The following WNT9A variants were observed in gnomAD, a reference collection of about 807,000 sequenced individuals.
WNT9A encodes protein Wnt-9a.
In WNT9A, 8 loss-of-function variants were observed where a neutral mutation model predicts 31.4. The observed-to-expected ratio is 0.26, with a 90% CI of 0.15 to 0.46. WNT9A has a LOEUF of 0.46. Among genes scored for constraint, WNT9A ranks in the 20% least tolerant of loss-of-function variants. WNT9A has a pLI of 0.99. For synonymous variants in WNT9A, 236 were observed against 220.1 expected (o/e 1.07, Z -0.64); for missense variants, 457 against 522.9 (o/e 0.87, Z 1.23).
chr1:227,920,070 C>T lies in WNT9A; in HGVS notation c.*1448G>A, dbSNP rs942245959. The stretch of plus-strand genomic sequence containing the variant: ...TGAACCAATCAAAGGGCTGCCCTGC[C>T]CCCTCACCATGCCCGCCCCTCTCCA... On this transcript the variant is annotated 3_prime_UTR_variant, in exon 4 of 4. Coordinates refer to ENST00000272164, the MANE Select transcript of WNT9A (RefSeq NM_003395.4). 9 of 152,406 alleles carry T rather than the reference C, an allele frequency of 5.9e-5. No homozygotes were observed. The highest frequency in any genetic ancestry group is 2.2e-4 in the African/African-American group (9 of 41,466). The allele number at this position is 152,406 out of a possible 1,614,324, so 9.4% of individuals were successfully genotyped here. A position where few individuals can be genotyped will look rare whatever the true frequency, so the allele number is the denominator to read the frequency against.
At chr1:227,932,695 T>C (rs1164915026) in intron 1 of WNT9A, among the ~76,000 whole-genome samples, 1 of 152,238 alleles carries the variant, frequency 6.6e-6, no homozygotes, top group Admixed American at 6.5e-5. Flanking sequence ...GGAGAATTAA[T>C]GCACATTGTG....
At chr1:227,922,655 G>C (rs1230677103) in intron 3 of WNT9A, among the ~76,000 whole-genome samples, 2 of 151,436 alleles carry the variant, frequency 1.3e-5, no homozygotes, top group Admixed American at 1.3e-4. Context: ...TGGCCCCAGA[G>C]GGGGGTGCAC....
intron 1 of WNT9A, among the ~76,000 whole-genome samples, chr1:227,939,932 C>T (rs531161629): frequency 6.6e-6 from 1 of 152,356 alleles, no homozygotes; most frequent in Non-Finnish European, 1.5e-5. Context: ...CTGCTGTGTC[C>T]CTCAGGGCTG....
Position 227,925,306 on chromosome 1 carries a change from G to A in WNT9A, c.309C>T (p.Asn103=), listed in dbSNP as rs758387691. 4 of 1,592,454 alleles carry A rather than the reference G, an allele frequency of 2.5e-6. No individual in the cohort carries two copies. The highest frequency in any genetic ancestry group is 3.4e-6 in the Non-Finnish European group (4 of 1,171,228). ...CQFQFRFERW[N]CTLEGRYRAS... ...CCCGGTAGCGGCCCTCCAGCGTGCA[G>A]TTCCAGCGCTCAAAGCGGAACTGGA... The change falls in exon 2 of 4, where the codon AAC becomes AAT. Residue 103 remains asparagine (N), a synonymous_variant. Transcript: ENST00000272164. This position sits in a 1 kb window ranked among gnomAD's most constrained non-coding sequence, Gnocchi z 6.0.
chr1:227,933,392 A>G (rs1293244425), intron 1 of WNT9A, among the ~76,000 whole-genome samples: 1 of 152,162 alleles, frequency 6.6e-6, no homozygotes, highest in African/African-American at 2.4e-5. Context: ...GGCTGGTTTG[A>G]TCTTCTATCC....
rs756182153 is a variant in WNT9A at position 227,928,123 on chromosome 1, G to A, written c.96-2604C>T. Among the ~76,000 whole-genome samples, 1 of 152,096 alleles carries A rather than the reference G, an allele frequency of 6.6e-6. No homozygotes were observed. The highest frequency in any genetic ancestry group is 1.5e-5 in the Non-Finnish European group (1 of 68,008). Reference sequence around the variant, plus strand: ...GGTCAGTGTGAGGCCCGAGCACGCCGGGGCACTGAGAGCTGGTTTGACGGT... The same window carrying A: ...GGTCAGTGTGAGGCCCGAGCACGCCAGGGCACTGAGAGCTGGTTTGACGGT... On this transcript the variant is annotated intron_variant, in intron 1 of 3. Coordinates refer to ENST00000272164, the MANE Select transcript of WNT9A (RefSeq NM_003395.4). The surrounding 1 kb of genome is among the most constrained non-coding windows in gnomAD (Gnocchi z 4.5).
intron 1 of WNT9A, among the ~76,000 whole-genome samples, chr1:227,946,301 G>C (rs1156408164): frequency 1.3e-5 from 2 of 152,228 alleles, no homozygotes; most frequent in Non-Finnish European, 2.9e-5. Context: ...CCCGTCTCCA[G>C]GAATCGGATC....
rs1164359134 is a variant in WNT9A at position 227,926,694 on chromosome 1, C to A, written c.96-1175G>T. 1.3e-5 allele frequency among the ~76,000 whole-genome samples: 2 copies of A among 152,102 alleles called. No homozygotes were observed. The highest frequency in any genetic ancestry group is 1.3e-4 in the Admixed American group (2 of 15,286). ...TTGGAGGCCCCTCCTGAAAGCATCA[C>A]TGGACACATGACGACCAACCCACCC... On this transcript the variant is annotated intron_variant, in intron 1 of 3. Coordinates refer to ENST00000272164, the MANE Select transcript of WNT9A (RefSeq NM_003395.4). This position sits in a 1 kb window ranked among gnomAD's most constrained non-coding sequence, Gnocchi z 5.0.
chr1:227,935,927 C>T (rs1379950619), intron 1 of WNT9A, among the ~76,000 whole-genome samples: 1 of 152,194 alleles, frequency 6.6e-6, no homozygotes, highest in Non-Finnish European at 1.5e-5. Context: ...ATCGACTCTC[C>T]CGCCCTGAGT....
At chr1:227,922,721 C>T (rs925103686) in intron 3 of WNT9A, among the ~76,000 whole-genome samples, 1 of 152,202 alleles carries the variant, frequency 6.6e-6, no homozygotes, top group African/African-American at 2.4e-5. Flanking sequence ...GGGGCTGCCA[C>T]AGAAGCCTGG....
At chr1:227,943,701 A>T (rs1022346733) in intron 1 of WNT9A, among the ~76,000 whole-genome samples, 7 of 152,210 alleles carry the variant, frequency 4.6e-5, no homozygotes, top group African/African-American at 1.4e-4. Flanking sequence ...GCAGGCGGGG[A>T]GCAAGGGCTC....
intron 3 of WNT9A, among the ~76,000 whole-genome samples, chr1:227,922,519 C>T (rs367687622): frequency 1.1e-4 from 16 of 152,358 alleles, no homozygotes; most frequent in African/African-American, 3.4e-4. Flanking sequence ...CCCAACCCAC[C>T]GGTGCTGAGG....
chr1:227,923,223 G>A (rs929633298), intron 3 of WNT9A, among the ~76,000 whole-genome samples: 7 of 152,284 alleles, frequency 4.6e-5, no homozygotes, highest in Middle Eastern at 3.4e-3. Flanking sequence ...GGGGCTCACA[G>A]CAGGGCCGGC....
intron 1 of WNT9A, among the ~76,000 whole-genome samples, chr1:227,931,393 G>C (rs1666508330): frequency 6.6e-6 from 1 of 152,214 alleles, no homozygotes; most frequent in African/African-American, 2.4e-5. Flanking sequence ...TTTCCTAGGA[G>C]AGTTTGTATC....
intron 1 of WNT9A, among the ~76,000 whole-genome samples, chr1:227,943,226 T>C (rs1295389819): frequency 6.6e-6 from 1 of 152,200 alleles, no homozygotes; most frequent in African/African-American, 2.4e-5. Flanking sequence ...CACCAGGCTC[T>C]AGGCAACGGG....
At chr1:227,936,983 T>C (rs1424935062) in intron 1 of WNT9A, among the ~76,000 whole-genome samples, 7 of 152,212 alleles carry the variant, frequency 4.6e-5, no homozygotes, top group Non-Finnish European at 1.5e-5. Flanking sequence ...GGCCTCCCCG[T>C]GTCACCGAGG....
At position 227,921,354 on chromosome 1, in the gene WNT9A, G is replaced by C. The variant is rs1355093558; in HGVS notation, c.*164C>G. The C allele has an allele frequency of 8.7e-7, 1 of 1,149,140 alleles. No homozygotes were observed. The highest frequency in any genetic ancestry group is 1.6e-5 in the African/African-American group (1 of 64,408). The allele number at this position is 1,149,140 out of a possible 1,614,324, so 71.2% of individuals were successfully genotyped here. Reference sequence around the variant, plus strand: ...CCACGCTGCTAGGTCTGAGCCCAGGGACTCAGCCCATGCAGGTGTAGACCC... The same window carrying C: ...CCACGCTGCTAGGTCTGAGCCCAGGCACTCAGCCCATGCAGGTGTAGACCC... On this transcript the variant is annotated 3_prime_UTR_variant, in exon 4 of 4. Transcript: ENST00000272164.
At chr1:227,930,338 G>A (rs554663918) in intron 1 of WNT9A, among the ~76,000 whole-genome samples, 61 of 152,300 alleles carry the variant, frequency 4.0e-4, no homozygotes, top group Middle Eastern at 3.4e-3. Flanking sequence ...TGGCTGCACC[G>A]GACCAAGCAA....
At position 227,940,516 on chromosome 1, in the gene WNT9A, A is replaced by C. The variant is rs141935665; in HGVS notation, c.95+7277T>G. 3.5e-4 allele frequency among the ~76,000 whole-genome samples: 53 copies of C among 152,260 alleles called. No homozygotes were observed. The East Asian group carries it at 9.3e-3, about 27-fold the overall frequency. On this transcript the variant is annotated intron_variant, in intron 1 of 3. Transcript: ENST00000272164. ...AGGTGTCACAGAGGGAGCATCCCAAAGTCCACCTGGCTCCCCTCCCCACCC... is the reference window on the plus strand; with the variant it reads ...AGGTGTCACAGAGGGAGCATCCCAACGTCCACCTGGCTCCCCTCCCCACCC...
Sources: allele counts gnomAD v4.1 joint callset (sites outside exome capture counted in the v4.1 genomes callset), GRCh38; gene constraint gnomAD v4.1.1; non-coding constraint Gnocchi (gnomAD v3.1); transcripts MANE v1.5; gene names NCBI Gene and HGNC (gene_info 2026-07-23, HGNC 2026-07-21).